Variants in CNOT6 observed in about 807,000 individuals in gnomAD.
The protein encoded by CNOT6 is carbon catabolite repression 4 protein.
CNOT6 carries 12 observed loss-of-function variants against 61.2 expected under a neutral mutation model. That is an observed-to-expected ratio of 0.20 (90% CI 0.13 to 0.32). The LOEUF is 0.32. Among genes scored for constraint, CNOT6 ranks in the 10% least tolerant of loss-of-function variants. The pLI, the probability that CNOT6 is intolerant of heterozygous loss-of-function variation, is 1.00. For synonymous variants in CNOT6, 225 were observed against 240.6 expected (o/e 0.94, Z 0.60); for missense variants, 405 against 663.9 (o/e 0.61, Z 4.28).
At chr5:180,544,431 G>A (rs1299945687) in intron 2 of CNOT6, among the ~76,000 whole-genome samples, 3 of 151,994 alleles carry the variant, frequency 2.0e-5, no homozygotes, top group Admixed American at 1.3e-4. Flanking sequence ...TTCTTTCCTG[G>A]TTTTTTGGTA....
chr5:180,532,740 A>G (rs534820853), intron 2 of CNOT6, among the ~76,000 whole-genome samples: 7 of 152,166 alleles, frequency 4.6e-5, no homozygotes, highest in Non-Finnish European at 7.3e-5. Context: ...TTGGGCCTCT[A>G]GAGCTTTGAC....
chr5:180,522,133 C>T (rs1031834252), intron 1 of CNOT6, among the ~76,000 whole-genome samples: 1 of 152,146 alleles, frequency 6.6e-6, no homozygotes, highest in Non-Finnish European at 1.5e-5. Context: ...ATGTATCTAT[C>T]TGTCTATTGA....
chr5:180,531,859 C>T (rs1758407314), intron 2 of CNOT6, among the ~76,000 whole-genome samples: 1 of 152,240 alleles, frequency 6.6e-6, no homozygotes, highest in South Asian at 2.1e-4. Flanking sequence ...CGGCGCGTGC[C>T]TGCAATCCCA....
Position 180,574,549 on chromosome 5 carries a change from T to C in CNOT6, c.*349T>C. The C allele has an allele frequency of 3.5e-6, 1 of 282,510 alleles. No individual in the cohort carries two copies. The highest frequency in any genetic ancestry group is 4.6e-5 in the South Asian group (1 of 21,974). The allele number at this position is 282,510 out of a possible 1,614,324, so 17.5% of individuals were successfully genotyped here. ...TCACACAGAAATCTGTAGCACTGCT[T>C]TTTTGAGGCCAGTAGCAACATCCAG... On this transcript the variant is annotated 3_prime_UTR_variant, in exon 12 of 12. Transcript: ENST00000261951.
intron 3 of CNOT6, 83 bp from the exon 4 acceptor site, chr5:180,553,303 A>G: frequency 1.1e-6 from 1 of 896,104 alleles, no homozygotes; most frequent in Non-Finnish European, 1.8e-6. Flanking sequence ...TTAGGTGCTT[A>G]TGTTCCTAGA....
chr5:180,544,671 C>T (rs1759219264), intron 2 of CNOT6, among the ~76,000 whole-genome samples: 1 of 152,172 alleles, frequency 6.6e-6, no homozygotes, highest in Admixed American at 6.5e-5. Context: ...AGGAGCTATA[C>T]AAATTGGCAG....
intron 1 of CNOT6, 70 bp from the exon 2 acceptor site, chr5:180,529,197 CAAAAAAAA>C: frequency 1.7e-6 from 1 of 581,176 alleles, no homozygotes; most frequent in Non-Finnish European, 2.9e-6. Context: ...GACTTCGTCT[CAAAAAAAA>C]AAAAAAAAGG....
In CNOT6 at chr5:180,568,091, A is replaced by G. The variant is rs141256770; in HGVS notation, c.1027+88A>G. The G allele has an allele frequency of 4.8e-4, 654 of 1,374,238 alleles. 3 individuals are homozygous for G. The African/African-American group carries it at 8.7e-3, about 18-fold the overall frequency. 85.1% of individuals were successfully genotyped at this position (1,374,238 alleles called of 1,614,324 possible). ...AAAACAGAAATTTCATTGTGTATTC[A>G]TGGTCTTGTCTAACACCTGAAGAAA... is the stretch of plus-strand genomic sequence containing the variant. On this transcript the variant is annotated intron_variant, in intron 9 of 11. Coordinates refer to ENST00000261951, the MANE Select transcript of CNOT6 (RefSeq NM_001370472.1).
At chr5:180,533,980 A>G (rs1364482471) in intron 2 of CNOT6, among the ~76,000 whole-genome samples, 2 of 152,192 alleles carry the variant, frequency 1.3e-5, no homozygotes, top group African/African-American at 4.8e-5. Flanking sequence ...CTGCAGAAGC[A>G]GGACCTAAGC....
At chr5:180,500,356 C>T (rs1756814685) in intron 1 of CNOT6, among the ~76,000 whole-genome samples, 1 of 152,110 alleles carries the variant, frequency 6.6e-6, no homozygotes, top group African/African-American at 2.4e-5. Context: ...AAGCAGTCCT[C>T]CTGCCTCGGC....
At chr5:180,573,310 A>G (rs940328090) in intron 11 of CNOT6, among the ~76,000 whole-genome samples, 1 of 152,140 alleles carries the variant, frequency 6.6e-6, no homozygotes, top group Non-Finnish European at 1.5e-5. Context: ...TCCTGCCCTC[A>G]TGGAGCTGAG....
intron 4 of CNOT6, among the ~76,000 whole-genome samples, chr5:180,554,607 T>G (rs1023198417): frequency 6.6e-6 from 1 of 152,142 alleles, no homozygotes; most frequent in Non-Finnish European, 1.5e-5. Flanking sequence ...TTGTAATTTT[T>G]TTTCTGTGTG....
chr5:180,504,291 G>C (rs1482422786), intron 1 of CNOT6, among the ~76,000 whole-genome samples: 1 of 152,184 alleles, frequency 6.6e-6, no homozygotes, highest in African/African-American at 2.4e-5. Flanking sequence ...AAGGCTTCTT[G>C]ATGCTTTGTA....
At chr5:180,527,730 T>TG (rs1758166114) in intron 1 of CNOT6, among the ~76,000 whole-genome samples, 1 of 152,162 alleles carries the variant, frequency 6.6e-6, no homozygotes, top group South Asian at 2.1e-4. Flanking sequence ...GACTGATCAT[T>TG]GGGTTTAGGT....
At chr5:180,521,821 AG>A (rs2127713830) in intron 1 of CNOT6, among the ~76,000 whole-genome samples, 1 of 152,342 alleles carries the variant, frequency 6.6e-6, no homozygotes, top group Admixed American at 6.5e-5. Flanking sequence ...TAATTCACTT[AG>A]GATAATAGCC....
At chr5:180,556,107 A>G (rs922151702) in intron 4 of CNOT6, among the ~76,000 whole-genome samples, 4 of 152,354 alleles carry the variant, frequency 2.6e-5, no homozygotes, top group African/African-American at 7.2e-5. Flanking sequence ...TCAAAACTAT[A>G]GTTTCACGTT....
chr5:180,559,305 A>G (rs1030005633), intron 4 of CNOT6, among the ~76,000 whole-genome samples: 2 of 152,214 alleles, frequency 1.3e-5, no homozygotes, highest in East Asian at 1.9e-4. Context: ...TTGGAAGCAC[A>G]CTTAGAATTG....
At chr5:180,520,708 A>G (rs966584726) in intron 1 of CNOT6, among the ~76,000 whole-genome samples, 4 of 152,124 alleles carry the variant, frequency 2.6e-5, no homozygotes, top group Admixed American at 6.6e-5. Flanking sequence ...TAGGATTACA[A>G]CATTTTCTCT....
At chr5:180,521,908 T>A (rs2127713880) in intron 1 of CNOT6, among the ~76,000 whole-genome samples, 1 of 152,368 alleles carries the variant, frequency 6.6e-6, no homozygotes, top group Non-Finnish European at 1.5e-5. Flanking sequence ...CCATGATGTA[T>A]ATGTGCCACA....
Sources: gnomAD v4.1 joint callset for allele counts (sites outside exome capture counted in the v4.1 genomes callset) on GRCh38, gnomAD v4.1.1 for gene constraint, MANE v1.5 for transcripts, NCBI Gene and HGNC (gene_info 2026-07-23, HGNC 2026-07-21) for gene names.